The following PCDH9 variants were observed in gnomAD, a reference collection of about 807,000 sequenced individuals.
PCDH9 encodes protocadherin-9.
Under a neutral mutation model 70.6 loss-of-function variants are expected in PCDH9, and 24 were observed. The ratio of observed to expected loss-of-function variants is 0.34; its 90% CI spans 0.25 to 0.48. PCDH9 has a LOEUF of 0.48. Among genes scored for constraint, PCDH9 ranks in the 20% least tolerant of loss-of-function variants. PCDH9 has a pLI of 0.99. For missense variants in PCDH9, 1,281 were observed against 1,503.6 expected (o/e 0.85, Z 2.45); for synonymous variants, 562 against 558.5 (o/e 1.01, Z -0.09).
At chr13:66,641,919 C>A (rs997525915) in intron 3 of PCDH9, among the ~76,000 whole-genome samples, 5 of 152,032 alleles carry the variant, frequency 3.3e-5, no homozygotes, top group Non-Finnish European at 7.4e-5. Flanking sequence ...AACTGGCCTT[C>A]TTTTAATTTT....
intron 2 of PCDH9, among the ~76,000 whole-genome samples, chr13:67,112,799 C>T (rs2086683682): frequency 6.6e-6 from 1 of 152,002 alleles, no homozygotes. Context: ...TTAACTGCAG[C>T]CTCGACCTCC....
intron 2 of PCDH9, among the ~76,000 whole-genome samples, chr13:67,126,741 T>C (rs543073275): frequency 3.4e-4 from 52 of 152,154 alleles, no homozygotes; most frequent in Non-Finnish European, 6.6e-4. Flanking sequence ...GCCTGGCTAC[T>C]TGGGAGGCTG....
At chr13:66,925,362 T>C (rs771152363) in intron 2 of PCDH9, among the ~76,000 whole-genome samples, 3 of 151,912 alleles carry the variant, frequency 2.0e-5, no homozygotes, top group Non-Finnish European at 2.9e-5. Context: ...ATACACCTTA[T>C]AAAATATTTT....
intron 2 of PCDH9, among the ~76,000 whole-genome samples, chr13:66,967,906 T>C (rs1182913247): frequency 6.6e-6 from 1 of 152,052 alleles, no homozygotes; most frequent in Non-Finnish European, 1.5e-5. Flanking sequence ...GTACCTGGCA[T>C]GTATTCAGTT....
Position 66,685,723 on chromosome 13 carries a change from T to C in PCDH9, c.3139-54312A>G, listed in dbSNP as rs142550112. Reference sequence around the variant, plus strand: ...ATGTGGGTGGAGCTGCCCAAGGCCATGGAAGCCCACCTCTTGTATCAGCAT... The same window carrying C: ...ATGTGGGTGGAGCTGCCCAAGGCCACGGAAGCCCACCTCTTGTATCAGCAT... On this transcript the variant is annotated intron_variant, in intron 3 of 4. Coordinates refer to ENST00000377865, the MANE Select transcript of PCDH9 (RefSeq NM_203487.3). 2.7e-4 allele frequency among the ~76,000 whole-genome samples: 41 copies of C among 152,342 alleles called. 1 individual carries two copies. The East Asian group carries it at 7.9e-3, about 29-fold the overall frequency.
At chr13:66,859,853 C>G (rs978031186) in intron 3 of PCDH9, among the ~76,000 whole-genome samples, 3 of 152,080 alleles carry the variant, frequency 2.0e-5, no homozygotes, top group Non-Finnish European at 2.9e-5. Flanking sequence ...AAATGCACCC[C>G]TACTAATACA....
chr13:67,160,169 T>C (rs1371982845), intron 2 of PCDH9, among the ~76,000 whole-genome samples: 1 of 152,190 alleles, frequency 6.6e-6, no homozygotes. Flanking sequence ...AACAGCAAAA[T>C]GCAACAACAG....
Position 67,225,392 on chromosome 13 carries a change from A to C in PCDH9, c.3036+13T>G. ...TATGCAGTACTTATAGACCAGTAAA[A>C]GTGCTCGTTTACCTGTCTGGTGTGT... On this transcript the variant is annotated intron_variant, in intron 2 of 4. Coordinates refer to ENST00000377865, the MANE Select transcript of PCDH9 (RefSeq NM_203487.3). 1.9e-6 allele frequency: 3 copies of C among 1,612,332 alleles called. No individual in the cohort carries two copies. The highest frequency in any genetic ancestry group is 2.5e-6 in the Non-Finnish European group (3 of 1,178,744).
intron 2 of PCDH9, among the ~76,000 whole-genome samples, chr13:66,997,922 C>G (rs1212644878): frequency 6.6e-6 from 1 of 152,008 alleles, no homozygotes; most frequent in Non-Finnish European, 1.5e-5. Flanking sequence ...AAATTCTGGG[C>G]CAGGTTACAT....
chr13:66,535,140 A>T (rs531205421), intron 4 of PCDH9, among the ~76,000 whole-genome samples: 16 of 152,104 alleles, frequency 1.1e-4, no homozygotes, highest in Non-Finnish European at 2.2e-4. Context: ...AATGATAATA[A>T]TAATAAAGTA....
At chr13:66,622,265 C>A (rs1221387003) in intron 4 of PCDH9, among the ~76,000 whole-genome samples, 1 of 152,194 alleles carries the variant, frequency 6.6e-6, no homozygotes, top group African/African-American at 2.4e-5. Flanking sequence ...GAGGAGCCTA[C>A]CCTACGAGTG....
At chr13:66,642,389 T>G (rs1181631185) in intron 3 of PCDH9, among the ~76,000 whole-genome samples, 1 of 152,060 alleles carries the variant, frequency 6.6e-6, no homozygotes, top group Non-Finnish European at 1.5e-5. Context: ...ATTATTTGTT[T>G]AGAAATATTT....
chr13:66,575,660 A>G (rs1198231970), intron 4 of PCDH9, among the ~76,000 whole-genome samples: 1 of 152,106 alleles, frequency 6.6e-6, no homozygotes, highest in East Asian at 1.9e-4. Flanking sequence ...TTTATCCATC[A>G]ATATCTTTTC....
chr13:66,800,414 C>A (rs2080308594), intron 3 of PCDH9, among the ~76,000 whole-genome samples: 1 of 152,090 alleles, frequency 6.6e-6, no homozygotes, highest in Admixed American at 6.6e-5. Context: ...GCACTTCATT[C>A]TATTTTTTTA....
chr13:66,380,656 G>T (rs1956831790), intron 4 of PCDH9, among the ~76,000 whole-genome samples: 1 of 145,014 alleles, frequency 6.9e-6, no homozygotes, highest in Admixed American at 7.4e-5. Context: ...CCATTCTCCT[G>T]CCTCAGCCTC....
At chr13:66,523,584 A>G (rs1960089714) in intron 4 of PCDH9, among the ~76,000 whole-genome samples, 1 of 152,034 alleles carries the variant, frequency 6.6e-6, no homozygotes, top group South Asian at 2.1e-4. Flanking sequence ...ACACACACAC[A>G]TATGTACACA....
chr13:66,981,124 A>T (rs1033537245), intron 2 of PCDH9, among the ~76,000 whole-genome samples: 1 of 152,206 alleles, frequency 6.6e-6, no homozygotes, highest in African/African-American at 2.4e-5. Context: ...AGAATATAAT[A>T]AAATAAGACT....
chr13:66,448,442 T>C (rs1001431878), intron 4 of PCDH9, among the ~76,000 whole-genome samples: 2 of 152,186 alleles, frequency 1.3e-5, no homozygotes, highest in East Asian at 1.9e-4. Context: ...CAAAAAGACA[T>C]TGCAACATTT....
intron 2 of PCDH9, among the ~76,000 whole-genome samples, chr13:67,061,919 G>A (rs1011337077): frequency 2.0e-5 from 3 of 152,152 alleles, no homozygotes; most frequent in Admixed American, 2.0e-4. Flanking sequence ...GCCAAGGAGT[G>A]CCTGAAAAGC....
Sources: gnomAD v4.1 joint callset for allele counts (sites outside exome capture counted in the v4.1 genomes callset) on GRCh38, gnomAD v4.1.1 for gene constraint, MANE v1.5 for transcripts, NCBI Gene and HGNC (gene_info 2026-07-23, HGNC 2026-07-21) for gene names.